The following ATXN8OS variants were observed in gnomAD, a reference collection of about 807,000 sequenced individuals.
The protein encoded by ATXN8OS is ATXN8 opposite strand lncRNA, also known as ATXN8 opposite strand (non-protein coding).
chr13:70,148,108 G>A (rs902558930), intron 4 of ATXN8OS, among the ~76,000 whole-genome samples: 2 of 152,086 alleles, frequency 1.3e-5, no homozygotes, highest in Non-Finnish European at 2.9e-5. Flanking sequence ...GAAGCCTCCA[G>A]GTAGCAGGCT....
chr13:70,109,379 T>C (rs1031772100), intron 1 of ATXN8OS, among the ~76,000 whole-genome samples: 1 of 152,162 alleles, frequency 6.6e-6, no homozygotes, highest in Non-Finnish European at 1.5e-5. Flanking sequence ...AAGAATATGG[T>C]TGTTGTCCAT....
At chr13:70,155,952 A>G (rs1304921288) in intron 4 of ATXN8OS, among the ~76,000 whole-genome samples, 2 of 151,866 alleles carry the variant, frequency 1.3e-5, no homozygotes, top group Admixed American at 6.6e-5. Context: ...TAAAGATTCT[A>G]TTTGTGTTTT....
At chr13:70,143,786 TAA>T (rs1010932656) in intron 3 of ATXN8OS, among the ~76,000 whole-genome samples, 19 of 152,170 alleles carry the variant, frequency 1.2e-4, no homozygotes, top group African/African-American at 4.6e-4. Flanking sequence ...TCTCTAGAAA[TAA>T]GTTTTTATAT....
chr13:70,138,632 G>T (rs1888652664), intron 3 of ATXN8OS, among the ~76,000 whole-genome samples: 1 of 151,854 alleles, frequency 6.6e-6, no homozygotes, highest in Non-Finnish European at 1.5e-5. Context: ...TCAATATTTA[G>T]CTGTTAAAAA....
intron 1 of ATXN8OS, chr13:70,108,242 C>A: frequency 2.6e-6 from 1 of 388,950 alleles, no homozygotes; most frequent in East Asian, 3.7e-5. Flanking sequence ...CTCGCCAGAT[C>A]TCTTGGTGCA....
intron 4 of ATXN8OS, among the ~76,000 whole-genome samples, chr13:70,157,199 C>G (rs901920734): frequency 7.2e-5 from 11 of 151,932 alleles, no homozygotes; most frequent in Non-Finnish European, 1.5e-4. Flanking sequence ...TTTACTATAT[C>G]ATGAATGAGG....
At chr13:70,109,378 G>A (rs1477182703) in intron 1 of ATXN8OS, among the ~76,000 whole-genome samples, 1 of 152,136 alleles carries the variant, frequency 6.6e-6, no homozygotes, top group African/African-American at 2.4e-5. Context: ...CAAGAATATG[G>A]TTGTTGTCCA....
intron 2 of ATXN8OS, among the ~76,000 whole-genome samples, chr13:70,118,924 C>T (rs190424491): frequency 1.2e-3 from 189 of 151,412 alleles, no homozygotes; most frequent in African/African-American, 4.2e-3. Flanking sequence ...TACTTTTATA[C>T]GAGCATTGCA....
chr13:70,107,774 G>T, upstream of ATXN8OS: 2 of 1,174,504 alleles, frequency 1.7e-6, no homozygotes, highest in Non-Finnish European at 2.3e-6. Flanking sequence ...GAGGACAGCG[G>T]GGCCCGGGGG....
At chr13:70,167,095 G>A (rs1889084712) in intron 4 of ATXN8OS, among the ~76,000 whole-genome samples, 1 of 151,948 alleles carries the variant, frequency 6.6e-6, no homozygotes, top group South Asian at 2.1e-4. Flanking sequence ...AACCATTGTG[G>A]AAGTCAGTGT....
upstream of ATXN8OS, chr13:70,107,569 C>A: frequency 2.5e-6 from 4 of 1,605,712 alleles, no homozygotes; most frequent in Non-Finnish European, 3.4e-6. Flanking sequence ...CTCAAAGCTG[C>A]CACTGCCGTC....
At chr13:70,140,533 C>CACAAAA (rs71196274) in intron 3 of ATXN8OS, among the ~76,000 whole-genome samples, 8 of 133,036 alleles carry the variant, frequency 6.0e-5, no homozygotes, top group African/African-American at 1.4e-4. Context: ...CACACACACA[C>CACAAAA]AAAAAAAAAA....
chr13:70,155,012 C>G (rs898595680), intron 4 of ATXN8OS, among the ~76,000 whole-genome samples: 1 of 152,184 alleles, frequency 6.6e-6, no homozygotes, highest in Admixed American at 6.5e-5. Context: ...TAGCCAACCC[C>G]CTTTTGTGAA....
intron 4 of ATXN8OS, among the ~76,000 whole-genome samples, chr13:70,162,828 T>C (rs1455698134): frequency 6.6e-6 from 1 of 152,130 alleles, no homozygotes; most frequent in Admixed American, 6.6e-5. Flanking sequence ...TTTGAATCAG[T>C]AGCCTGCAAA....
intron 2 of ATXN8OS, among the ~76,000 whole-genome samples, chr13:70,118,800 A>G (rs1888318065): frequency 6.6e-6 from 1 of 150,932 alleles, no homozygotes; most frequent in South Asian, 2.1e-4. Context: ...CAGAAGATTC[A>G]TTTATTATTT....
At chr13:70,150,807 G>T (rs756472407) in intron 4 of ATXN8OS, among the ~76,000 whole-genome samples, 1 of 152,048 alleles carries the variant, frequency 6.6e-6, no homozygotes, top group Non-Finnish European at 1.5e-5. Context: ...TCACCTGGGT[G>T]CAAAGCCATG....
chr13:70,107,805 G>A (rs978058798), exon 1 of ATXN8OS: 48 of 832,840 alleles, frequency 5.8e-5, no homozygotes, highest in Admixed American at 9.2e-5. Context: ...GGCGGGATGC[G>A]CCCTCTGCAC....
At chr13:70,156,432 T>C (rs1888937257) in intron 4 of ATXN8OS, among the ~76,000 whole-genome samples, 1 of 152,168 alleles carries the variant, frequency 6.6e-6, no homozygotes, top group Non-Finnish European at 1.5e-5. Context: ...TTCCATATTG[T>C]ATATGGTTAA....
chr13:70,107,639 G>C (rs748421357), upstream of ATXN8OS: 2 of 1,557,540 alleles, frequency 1.3e-6, no homozygotes, highest in East Asian at 2.2e-5. Context: ...TGGCTGAAGA[G>C]TTTCCAGCGG....
Sources: allele counts gnomAD v4.1 joint callset (sites outside exome capture counted in the v4.1 genomes callset), GRCh38; gene constraint gnomAD v4.1.1; transcripts MANE v1.5; gene names NCBI Gene and HGNC (gene_info 2026-07-23, HGNC 2026-07-21).